Variants in LRRTM4 observed in about 807,000 individuals in gnomAD.
LRRTM4 encodes leucine-rich repeat transmembrane neuronal protein 4.
LRRTM4 carries 25 observed loss-of-function variants against 47.6 expected under a neutral mutation model. The observed-to-expected ratio is 0.53, with a 90% CI of 0.38 to 0.73. The LOEUF (loss-of-function observed/expected upper bound fraction) is 0.73. Among genes scored for constraint, LRRTM4 ranks in the 30% least tolerant of loss-of-function variants. The pLI is 0.00. For synonymous variants in LRRTM4, 311 were observed against 269.5 expected (o/e 1.15, Z -1.51); for missense variants, 638 against 713.4 (o/e 0.89, Z 1.20).
At position 76,805,934 on chromosome 2, in the gene LRRTM4, T is replaced by G. The variant is rs1379133359; in HGVS notation, c.1552-57018A>C. ...AATAAATCTTTCTCTATCTCTGTTATTGTGGTCTCACCTGATTTCTATCTC... is the reference window on the plus strand; with the variant it reads ...AATAAATCTTTCTCTATCTCTGTTAGTGTGGTCTCACCTGATTTCTATCTC... On this transcript the variant is annotated intron_variant, in intron 3 of 3. Transcript: ENST00000409884. 2.6e-5 allele frequency among the ~76,000 whole-genome samples: 4 copies of G among 152,272 alleles called. No homozygotes were observed. The South Asian group carries it at 8.3e-4, about 32-fold the overall frequency.
chr2:76,831,732 T>C (rs1008905701), intron 3 of LRRTM4, among the ~76,000 whole-genome samples: 15 of 152,120 alleles, frequency 9.9e-5, no homozygotes, highest in African/African-American at 3.6e-4. Flanking sequence ...AGAACACTAA[T>C]ATCTCAGATC....
rs1672721327 is a variant in LRRTM4 at position 77,373,329 on chromosome 2, GT to G, written c.1551+144988del. On this transcript the variant is annotated intron_variant, in intron 3 of 3. Coordinates refer to ENST00000409884, the MANE Select transcript of LRRTM4 (RefSeq NM_001134745.3). ...GTTACATCTTAGAAAACTTAAATATGTTTTCTGAAATAAAGTTCACTTGCAA... is the reference window on the plus strand; with the variant it reads ...GTTACATCTTAGAAAACTTAAATATGTTTCTGAAATAAAGTTCACTTGCAA... Among the ~76,000 whole-genome samples the G allele has an allele frequency of 2.6e-5, 4 of 151,252 alleles. No homozygotes were observed. The South Asian group carries it at 6.2e-4, about 24-fold the overall frequency.
At chr2:77,505,725 T>A (rs1296550327) in intron 3 of LRRTM4, among the ~76,000 whole-genome samples, 1 of 151,632 alleles carries the variant, frequency 6.6e-6, no homozygotes, top group African/African-American at 2.4e-5. Context: ...TGCCTATAAA[T>A]ATGGACATAC....
Position 77,252,861 on chromosome 2 carries a change from T to C in LRRTM4, c.1551+265457A>G, listed in dbSNP as rs146783682. On this transcript the variant is annotated intron_variant, in intron 3 of 3. Coordinates refer to ENST00000409884, the MANE Select transcript of LRRTM4 (RefSeq NM_001134745.3). ...GGATGTTAGAAGTCTAAGTTCAAGGTCTTGGAAAGATTGCTTCTTCTCATG... is the reference window on the plus strand; with the variant it reads ...GGATGTTAGAAGTCTAAGTTCAAGGCCTTGGAAAGATTGCTTCTTCTCATG... Among the ~76,000 whole-genome samples, 441 of 152,298 alleles carry C rather than the reference T, an allele frequency of 2.9e-3. 3 individuals carry two copies. The highest frequency in any genetic ancestry group is 0.01 in the Middle Eastern group (3 of 294).
rs1677649148 is a variant in LRRTM4 at position 77,480,798 on chromosome 2, G to GTT, written c.1551+37519_1551+37520insAA. Reference sequence around the variant, plus strand: ...GGCTGTTTTAGGAGTGTGTGTGTGTGTGTGTGTGTGTGTGTGTGTGTGTGG... The same window carrying GTT: ...GGCTGTTTTAGGAGTGTGTGTGTGTGTTTGTGTGTGTGTGTGTGTGTGTGTGG... On this transcript the variant is annotated intron_variant, in intron 3 of 3. Coordinates refer to ENST00000409884, the MANE Select transcript of LRRTM4 (RefSeq NM_001134745.3). 7.6e-5 allele frequency among the ~76,000 whole-genome samples: 10 copies of GTT among 130,796 alleles called. No individual in the cohort carries two copies. In the South Asian group the frequency reaches 2.8e-3, roughly 36 times the overall value. 85.8% of individuals were successfully genotyped at this position (130,796 alleles called of 152,430 possible). A position where few individuals can be genotyped will look rare whatever the true frequency, so the allele number is the denominator to read the frequency against.
chr2:76,896,227 C>T (rs939300195), intron 3 of LRRTM4, among the ~76,000 whole-genome samples: 2 of 151,934 alleles, frequency 1.3e-5, no homozygotes, highest in African/African-American at 4.8e-5. Context: ...CACACACACA[C>T]AGACACACGA....
intron 3 of LRRTM4, among the ~76,000 whole-genome samples, chr2:77,425,253 T>A (rs1447072869): frequency 1.3e-5 from 2 of 152,214 alleles, no homozygotes; most frequent in Non-Finnish European, 2.9e-5. Flanking sequence ...ACTCTCTGTA[T>A]TCAGTCTCTC....
At chr2:77,096,100 G>T (rs189765876) in intron 3 of LRRTM4, among the ~76,000 whole-genome samples, 1 of 152,008 alleles carries the variant, frequency 6.6e-6, no homozygotes, top group African/African-American at 2.4e-5. Context: ...TTTTTACAAT[G>T]TATGCATAGA....
At chr2:76,884,747 G>C (rs908003123) in intron 3 of LRRTM4, among the ~76,000 whole-genome samples, 29 of 152,190 alleles carry the variant, frequency 1.9e-4, no homozygotes, top group African/African-American at 6.5e-4. Context: ...TTAAAATGTT[G>C]AGAATTCTAA....
chr2:77,276,297 C>T (rs547228470), intron 3 of LRRTM4, among the ~76,000 whole-genome samples: 5 of 128,602 alleles, frequency 3.9e-5, no homozygotes, highest in Admixed American at 9.2e-5. Context: ...ATTTTTAAAG[C>T]AAGTGAGAAT....
intron 3 of LRRTM4, among the ~76,000 whole-genome samples, chr2:77,454,687 T>C (rs963065258): frequency 1.3e-5 from 2 of 152,256 alleles, no homozygotes; most frequent in Non-Finnish European, 2.9e-5. Context: ...AAATTTGTTT[T>C]TTGGTTCTAT....
intron 3 of LRRTM4, among the ~76,000 whole-genome samples, chr2:76,918,294 A>T (rs1014971296): frequency 6.6e-6 from 1 of 152,188 alleles, no homozygotes; most frequent in Non-Finnish European, 1.5e-5. Context: ...AATAAATATC[A>T]AGTTTAGGAA....
At chr2:77,334,726 T>C (rs1671099055) in intron 3 of LRRTM4, among the ~76,000 whole-genome samples, 1 of 152,228 alleles carries the variant, frequency 6.6e-6, no homozygotes, top group South Asian at 2.1e-4. Context: ...TTCTTCTTGG[T>C]ATGTTTATCT....
intron 3 of LRRTM4, among the ~76,000 whole-genome samples, chr2:77,088,119 G>T (rs573408786): frequency 2.0e-5 from 3 of 152,180 alleles, no homozygotes; most frequent in Non-Finnish European, 4.4e-5. Context: ...GAACAAAGAG[G>T]AGAAAAGAGA....
At chr2:76,853,331 T>C (rs545193731) in intron 3 of LRRTM4, among the ~76,000 whole-genome samples, 1 of 152,244 alleles carries the variant, frequency 6.6e-6, no homozygotes, top group African/African-American at 2.4e-5. Flanking sequence ...TCTTGGTCCC[T>C]CTAGATTGTT....
intron 3 of LRRTM4, among the ~76,000 whole-genome samples, chr2:77,246,318 T>A (rs1675444848): frequency 6.6e-6 from 1 of 152,178 alleles, no homozygotes; most frequent in African/African-American, 2.4e-5. Context: ...GTGATCAGCA[T>A]GATGAAATTA....
chr2:76,751,307 T>A (rs1413460545), intron 3 of LRRTM4, among the ~76,000 whole-genome samples: 1 of 152,206 alleles, frequency 6.6e-6, no homozygotes, highest in Non-Finnish European at 1.5e-5. Flanking sequence ...GTTGTTGTTT[T>A]ACCTCTAAAG....
chr2:77,487,033 C>A lies in LRRTM4; in HGVS notation c.1551+31285G>T, dbSNP rs1447885404. Reference sequence around the variant, plus strand: ...CTTCCTCTAACATATCAATACCTAGCAAAAATTTAAAAATTAAATAGAAGT... The same window carrying A: ...CTTCCTCTAACATATCAATACCTAGAAAAAATTTAAAAATTAAATAGAAGT... On this transcript the variant is annotated intron_variant, in intron 3 of 3. Coordinates refer to ENST00000409884, the MANE Select transcript of LRRTM4 (RefSeq NM_001134745.3). Among the ~76,000 whole-genome samples the A allele has an allele frequency of 2.0e-5, 3 of 152,158 alleles. No individual in the cohort carries two copies. The East Asian group carries it at 5.8e-4, about 29-fold the overall frequency.
intron 3 of LRRTM4, among the ~76,000 whole-genome samples, chr2:77,334,530 C>G (rs551118020): frequency 1.3e-5 from 2 of 152,286 alleles, no homozygotes; most frequent in Admixed American, 1.3e-4. Context: ...TCTCTCTTTG[C>G]CTGCTGCCAT....
Sources: allele counts gnomAD v4.1 joint callset (sites outside exome capture counted in the v4.1 genomes callset), GRCh38; gene constraint gnomAD v4.1.1; transcripts MANE v1.5; gene names NCBI Gene and HGNC (gene_info 2026-07-23, HGNC 2026-07-21).